SOX6: variants seen among roughly 807,000 people sequenced by gnomAD.
The protein encoded by SOX6 is SRY-box transcription factor 6.
SOX6 carries 11 observed loss-of-function variants against 97.8 expected under a neutral mutation model. The ratio of observed to expected loss-of-function variants is 0.11; its 90% CI spans 0.07 to 0.19. The LOEUF (loss-of-function observed/expected upper bound fraction) is 0.19, where lower values mean the gene tolerates loss of function less well. Among genes scored for constraint, SOX6 ranks in the 10% least tolerant of loss-of-function variants. SOX6 has a pLI of 1.00. For synonymous variants in SOX6, 360 were observed against 371.4 expected, an observed-to-expected ratio of 0.97 and a Z score of 0.35; for missense variants, 810 against 1,039.5, an observed-to-expected ratio of 0.78 and a Z score of 3.04.
chr11:16,213,555 C>G (rs1252237805), intron 4 of SOX6, among the ~76,000 whole-genome samples: 1 of 152,150 alleles, frequency 6.6e-6, no homozygotes, highest in African/African-American at 2.4e-5. Flanking sequence ...ATAGAAGGAT[C>G]AGCTTTCCCA....
intron 12 of SOX6, among the ~76,000 whole-genome samples, chr11:16,027,262 A>T (rs1855239898): frequency 1.3e-5 from 2 of 152,206 alleles, no homozygotes; most frequent in Admixed American, 1.3e-4. Context: ...TAAGATATAT[A>T]AGTTAGAAAT....
chr11:16,488,627 T>C (rs967642033), intron 4 of SOX6, among the ~76,000 whole-genome samples: 1 of 152,142 alleles, frequency 6.6e-6, no homozygotes, highest in African/African-American at 2.4e-5. Flanking sequence ...TGCTACCACA[T>C]TATCACACCT....
At chr11:16,568,356 T>C (rs1847900197) in intron 4 of SOX6, among the ~76,000 whole-genome samples, 1 of 152,168 alleles carries the variant, frequency 6.6e-6, no homozygotes, top group Non-Finnish European at 1.5e-5. Flanking sequence ...AAAGGTTATA[T>C]ATTGTATGAT....
At chr11:16,512,650 T>G (rs1037539286) in intron 4 of SOX6, among the ~76,000 whole-genome samples, 2 of 152,184 alleles carry the variant, frequency 1.3e-5, no homozygotes, top group Admixed American at 6.5e-5. Flanking sequence ...ATCCCAACCA[T>G]GTAGTAAAGT....
At chr11:16,397,194 T>C (rs1349831645) in intron 1 of SOX6, among the ~76,000 whole-genome samples, 1 of 151,512 alleles carries the variant, frequency 6.6e-6, no homozygotes, top group Non-Finnish European at 1.5e-5. Context: ...CATGCCCATT[T>C]CCTTGTTCTT....
chr11:16,485,346 G>A (rs950816523), intron 4 of SOX6, among the ~76,000 whole-genome samples: 2 of 152,172 alleles, frequency 1.3e-5, no homozygotes, highest in Admixed American at 1.3e-4. Flanking sequence ...ACCACTTTGG[G>A]ATGCCAAAGT....
chr11:16,471,411 T>A lies in SOX6; in HGVS notation c.-5+4904A>T, dbSNP rs147824708. On this transcript the variant is annotated intron_variant, in intron 1 of 15. Coordinates refer to the SOX6 transcript ENST00000396356. ...ACACACTTTTGGTGTAGCCCATTCA[T>A]TATGGATGTGCAAAACAATATCCCA... Among the ~76,000 whole-genome samples, 1,366 of 151,980 alleles carry A rather than the reference T, an allele frequency of 9.0e-3. 21 individuals carry two copies. Among genetic ancestry groups the A allele is most frequent in the African/African-American group, 0.031 (1,305 of 41,480 alleles).
chr11:16,274,876 T>G (rs1008752708), intron 3 of SOX6, among the ~76,000 whole-genome samples: 1 of 152,156 alleles, frequency 6.6e-6, no homozygotes, highest in Non-Finnish European at 1.5e-5. Flanking sequence ...CTCACCTTAT[T>G]ATTATGTCAT....
At chr11:16,127,064 G>A (rs140528087) in intron 6 of SOX6, among the ~76,000 whole-genome samples, 303 of 152,038 alleles carry the variant, frequency 2.0e-3, no homozygotes, top group Non-Finnish European at 3.7e-3. Context: ...AATATTTATT[G>A]CAAATTCTTA....
chr11:16,179,012 CA>C (rs1301778037), intron 6 of SOX6, among the ~76,000 whole-genome samples: 3 of 151,602 alleles, frequency 2.0e-5, no homozygotes, highest in African/African-American at 4.8e-5. Context: ...ATTATGCTAG[CA>C]AAAAATTAAT....
intron 11 of SOX6, among the ~76,000 whole-genome samples, chr11:16,048,365 A>G (rs190153630): frequency 2.2e-4 from 33 of 152,344 alleles, no homozygotes; most frequent in Admixed American, 1.2e-3. Context: ...TAGAGATCCA[A>G]TATTCCAAAA....
intron 15 of SOX6, among the ~76,000 whole-genome samples, chr11:15,981,236 C>G (rs150982866): frequency 0.014 from 2,141 of 152,066 alleles, 16 homozygotes; most frequent in Non-Finnish European, 0.022. Context: ...AATGAATGTG[C>G]ACATCAAAAC....
At chr11:16,501,829 T>C (rs1232813909) in intron 4 of SOX6, among the ~76,000 whole-genome samples, 1 of 152,208 alleles carries the variant, frequency 6.6e-6, no homozygotes, top group East Asian at 1.9e-4. Flanking sequence ...CTGGAGAGGA[T>C]GTGCAGAAAT....
intron 4 of SOX6, among the ~76,000 whole-genome samples, chr11:16,559,890 CTATTCAAA>C (rs1847789112): frequency 6.6e-6 from 1 of 152,082 alleles, no homozygotes; most frequent in Non-Finnish European, 1.5e-5. Context: ...TATTAATGCA[CTATTCAAA>C]TATTCAAATG....
intron 4 of SOX6, among the ~76,000 whole-genome samples, chr11:16,187,414 C>T (rs1361036222): frequency 1.3e-5 from 2 of 152,146 alleles, no homozygotes; most frequent in Non-Finnish European, 2.9e-5. Context: ...GATCCTTACC[C>T]TCACAAAATT....
chr11:16,259,296 AATAG>A (rs1565053660), intron 3 of SOX6, among the ~76,000 whole-genome samples: 1 of 152,070 alleles, frequency 6.6e-6, no homozygotes, highest in African/African-American at 2.4e-5. Flanking sequence ...ATCCTAAATA[AATAG>A]ATGGACATAT....
intron 4 of SOX6, among the ~76,000 whole-genome samples, chr11:16,517,416 A>T (rs577088259): frequency 7.2e-5 from 11 of 152,330 alleles, no homozygotes; most frequent in African/African-American, 2.4e-4. Context: ...ACATGATTGT[A>T]TATCTAGAAA....
intron 3 of SOX6, among the ~76,000 whole-genome samples, chr11:16,282,171 T>C (rs1460496146): frequency 2.6e-5 from 4 of 151,050 alleles, no homozygotes; most frequent in African/African-American, 7.3e-5. Flanking sequence ...GTCAAATATA[T>C]AGTCATGAAA....
intron 1 of SOX6, among the ~76,000 whole-genome samples, chr11:16,375,278 T>A (rs1315186991): frequency 6.6e-6 from 1 of 152,112 alleles, no homozygotes; most frequent in African/African-American, 2.4e-5. Flanking sequence ...CATCTTCTCA[T>A]CACACCTAAT....
Sources: gnomAD v4.1 joint callset for allele counts (sites outside exome capture counted in the v4.1 genomes callset) on GRCh38, gnomAD v4.1.1 for gene constraint, MANE v1.5 for transcripts, NCBI Gene and HGNC (gene_info 2026-07-23, HGNC 2026-07-21) for gene names.